The following NPAS2 variants were observed in gnomAD, a reference collection of about 807,000 sequenced individuals.
NPAS2 encodes the protein neuronal PAS domain-containing protein 2.
In NPAS2, 23 loss-of-function variants were observed where a neutral mutation model predicts 107.5. That is an observed-to-expected ratio of 0.21 (90% confidence interval 0.15 to 0.30). The LOEUF is 0.30. Among genes scored for constraint, NPAS2 ranks in the 10% least tolerant of loss-of-function variants. The pLI is 1.00. For missense variants in NPAS2, 756 were observed against 1,043.3 expected, an observed-to-expected ratio of 0.72 and a Z score of 3.79; for synonymous variants, 403 against 417.5, an observed-to-expected ratio of 0.97 and a Z score of 0.42.
chr2:100,884,570 C>T (rs1254127968), intron 1 of NPAS2, among the ~76,000 whole-genome samples: 1 of 152,182 alleles, frequency 6.6e-6, no homozygotes, highest in Non-Finnish European at 1.5e-5. Flanking sequence ...GACTTCACTC[C>T]TTGTGATCAA....
At chr2:100,918,772 G>T (rs760563455) in intron 2 of NPAS2, among the ~76,000 whole-genome samples, 3 of 152,168 alleles carry the variant, frequency 2.0e-5, no homozygotes, top group Non-Finnish European at 2.9e-5. Flanking sequence ...GTTGTAGAAC[G>T]CTGGATCACT....
chr2:100,844,634 C>T (rs1677657470), intron 1 of NPAS2, among the ~76,000 whole-genome samples: 1 of 152,022 alleles, frequency 6.6e-6, no homozygotes, highest in African/African-American at 2.4e-5. Context: ...TCTTATGTCG[C>T]CACATGAATA....
chr2:100,839,574 G>T (rs188003314), intron 1 of NPAS2, among the ~76,000 whole-genome samples: 1 of 152,170 alleles, frequency 6.6e-6, no homozygotes, highest in East Asian at 1.9e-4. Context: ...AATGAAATAC[G>T]TGTTAATTGA....
chr2:100,877,589 T>C (rs760802786), intron 1 of NPAS2, among the ~76,000 whole-genome samples: 5 of 152,036 alleles, frequency 3.3e-5, no homozygotes, highest in Non-Finnish European at 7.4e-5. Flanking sequence ...TCAGGTGGGC[T>C]CACAGCCCCA....
rs564888206 is a variant in NPAS2 at position 100,886,309 on chromosome 2, A to G, written c.-22-18424A>G. The stretch of plus-strand genomic sequence containing the variant: ...CAGGAAAACACTGTTACACAAGCCA[A>G]GGTCTCCTATCCAGCAACCTTTTGG... On this transcript the variant is annotated intron_variant, in intron 1 of 20. Coordinates refer to ENST00000335681, the MANE Select transcript of NPAS2 (RefSeq NM_002518.4). 5.3e-5 allele frequency among the ~76,000 whole-genome samples: 8 copies of G among 152,298 alleles called. No individual in the cohort carries two copies. The South Asian group carries it at 1.7e-3, about 32-fold the overall frequency.
At chr2:100,874,592 A>T (rs1227919977) in intron 1 of NPAS2, among the ~76,000 whole-genome samples, 1 of 151,924 alleles carries the variant, frequency 6.6e-6, no homozygotes, top group East Asian at 1.9e-4. Flanking sequence ...AAATACAAAA[A>T]TTAGCCAGGT....
chr2:100,842,062 C>T (rs1677449248), intron 1 of NPAS2, among the ~76,000 whole-genome samples: 1 of 147,314 alleles, frequency 6.8e-6, no homozygotes. Context: ...CATGTTCATG[C>T]ATGAGTGTGC....
At chr2:100,870,423 T>A (rs1679512325) in intron 1 of NPAS2, among the ~76,000 whole-genome samples, 5 of 151,696 alleles carry the variant, frequency 3.3e-5, no homozygotes. Context: ...TGAGACAGGG[T>A]CTTGCTCTGT....
chr2:100,925,512 C>G (rs146484287), intron 3 of NPAS2, among the ~76,000 whole-genome samples: 3 of 152,144 alleles, frequency 2.0e-5, no homozygotes, highest in Non-Finnish European at 4.4e-5. Flanking sequence ...ATAAGCCAGA[C>G]GAGAGAATCC....
intron 1 of NPAS2, among the ~76,000 whole-genome samples, chr2:100,847,649 T>C (rs1022182983): frequency 2.0e-5 from 3 of 152,192 alleles, no homozygotes; most frequent in African/African-American, 7.2e-5. Context: ...GGATTACAGG[T>C]GTGAGCCACC....
rs574997350 is a variant in NPAS2 at position 100,862,930 on chromosome 2, A to G, written c.-22-41803A>G. ...CCTTTTGGCAGCATTAATAACAGCT[A>G]TGTATGGAGCTGTTAGTGAAATGGT... On this transcript the variant is annotated intron_variant, in intron 1 of 20. Coordinates refer to ENST00000335681, the MANE Select transcript of NPAS2 (RefSeq NM_002518.4). Among the ~76,000 whole-genome samples, 161 of 152,212 alleles carry G rather than the reference A, an allele frequency of 1.1e-3. 1 individual carries two copies. The highest frequency in any genetic ancestry group is 3.4e-3 in the African/African-American group (141 of 41,534).
At chr2:100,845,511 A>G (rs891526685) in intron 1 of NPAS2, among the ~76,000 whole-genome samples, 2 of 152,218 alleles carry the variant, frequency 1.3e-5, no homozygotes, top group Admixed American at 6.5e-5. Context: ...ATAGGCTAGC[A>G]TGGAAGCCAC....
chr2:100,979,161 G>A (rs1394542679), intron 15 of NPAS2, among the ~76,000 whole-genome samples: 1 of 152,044 alleles, frequency 6.6e-6, no homozygotes, highest in Non-Finnish European at 1.5e-5. Context: ...CCAGAGTCAG[G>A]CTTGAAGATT....
intron 12 of NPAS2, among the ~76,000 whole-genome samples, 155 bp downstream of exon 12, chr2:100,971,229 A>G (rs2105196547): frequency 6.8e-6 from 1 of 146,800 alleles, no homozygotes; most frequent in African/African-American, 2.5e-5. Flanking sequence ...AGGCCGTCAC[A>G]TTGAGGCTGT....
At chr2:100,840,759 C>G (rs145386534) in intron 1 of NPAS2, among the ~76,000 whole-genome samples, 1 of 152,214 alleles carries the variant, frequency 6.6e-6, no homozygotes, top group Non-Finnish European at 1.5e-5. Flanking sequence ...CATTGAGAAC[C>G]ATATCCATCA....
intron 5 of NPAS2, among the ~76,000 whole-genome samples, chr2:100,943,312 T>C (rs1354410207): frequency 1.3e-5 from 2 of 152,258 alleles, no homozygotes; most frequent in Non-Finnish European, 2.9e-5. Flanking sequence ...TGTCTCTTTA[T>C]ATGTTTGTCA....
chr2:100,876,243 T>C (rs2104603712), intron 1 of NPAS2, among the ~76,000 whole-genome samples: 1 of 152,280 alleles, frequency 6.6e-6, no homozygotes, highest in Non-Finnish European at 1.5e-5. Context: ...TTCTCCAGGG[T>C]GAACAGGGTA....
chr2:100,908,605 G>A (rs1055550443), intron 2 of NPAS2, among the ~76,000 whole-genome samples: 2 of 152,132 alleles, frequency 1.3e-5, no homozygotes, highest in African/African-American at 4.8e-5. Context: ...TCCAAAGAAA[G>A]CAATTATCTA....
chr2:100,845,342 T>G (rs1282980048), intron 1 of NPAS2, among the ~76,000 whole-genome samples: 1 of 152,172 alleles, frequency 6.6e-6, no homozygotes, highest in East Asian at 1.9e-4. Flanking sequence ...TGCTGATTAT[T>G]GTAGATGAGG....
Sources: allele counts gnomAD v4.1 joint callset (sites outside exome capture counted in the v4.1 genomes callset), GRCh38; gene constraint gnomAD v4.1.1; transcripts MANE v1.5; gene names NCBI Gene and HGNC (gene_info 2026-07-23, HGNC 2026-07-21).